RNF126: variants seen among roughly 807,000 people sequenced by gnomAD.
RNF126 encodes ring finger protein 126, also known as E3 ubiquitin-protein ligase RNF126.
Under a neutral mutation model 41.9 loss-of-function variants are expected in RNF126, and 20 were observed. The ratio of observed to expected loss-of-function variants is 0.48; its 90% CI spans 0.34 to 0.69. The LOEUF is 0.69. Among genes scored for constraint, RNF126 ranks in the 30% least tolerant of loss-of-function variants. RNF126 has a pLI of 0.01. For synonymous variants in RNF126, 239 were observed against 202.9 expected, an observed-to-expected ratio of 1.18 and a Z score of -1.51; for missense variants, 433 against 460.6, an observed-to-expected ratio of 0.94 and a Z score of 0.55.
chr19:648,894 C>G lies in RNF126; in HGVS notation c.658G>C (p.Glu220Gln). 1 of 1,437,474 alleles carries G rather than the reference C, an allele frequency of 7.0e-7. No homozygotes were observed. The highest frequency in any genetic ancestry group is 9.1e-7 in the Non-Finnish European group (1 of 1,094,012). The allele number at this position is 1,437,474 out of a possible 1,614,324, so 89.0% of individuals were successfully genotyped here. The stretch of plus-strand genomic sequence containing the variant: ...TGAGCTCTCATACCTACGTGCTCCT[C>G]AGTGACGGGGACGGTGGGGAGGGCC... ...IQALPTVPVT[E>Q]EHVGSGLECP... The change falls in exon 7 of 9, where the codon GAG becomes CAG. Residue 220 changes from glutamate to glutamine, a missense_variant. Physicochemically the swap from Glu to Gln is conservative, Grantham distance 29. This residue lies in a region of RNF126 where 97 missense variants were observed against 121.7 expected (regional missense o/e 0.80). Transcript: ENST00000292363.
intron 1 of RNF126, among the ~76,000 whole-genome samples, chr19:653,464 C>A (rs543007150): frequency 6.6e-6 from 1 of 152,348 alleles, no homozygotes; most frequent in Admixed American, 6.5e-5. Context: ...GTCCCAAAAC[C>A]ACGTTCACAG....
At position 647,821 on chromosome 19, in the gene RNF126, G is replaced by A. The variant is rs1046624552; in HGVS notation, c.*307C>T. On this transcript the variant is annotated 3_prime_UTR_variant, in exon 9 of 9. Coordinates refer to ENST00000292363, the MANE Select transcript of RNF126 (RefSeq NM_194460.3). ...GCATGGCCGCCACGTGAGCTCAAAC[G>A]TCCGTTTATTTCAAAGCAGTAATAA... 8.4e-6 allele frequency: 4 copies of A among 474,322 alleles called. No individual in the cohort carries two copies. Among genetic ancestry groups the A allele is most frequent in the South Asian group, 3.5e-5 (2 of 56,752 alleles). The allele number at this position is 474,322 out of a possible 1,614,324, so 29.4% of individuals were successfully genotyped here. A position where few individuals can be genotyped will look rare whatever the true frequency, so the allele number is the denominator to read the frequency against.
intron 1 of RNF126, among the ~76,000 whole-genome samples, chr19:658,517 G>A (rs1041468742): frequency 1.3e-5 from 2 of 152,126 alleles, no homozygotes; most frequent in African/African-American, 4.8e-5. Flanking sequence ...TTTTCCTAAA[G>A]GGTGCCCAAA....
At chr19:656,057 G>A (rs923821697) in intron 1 of RNF126, among the ~76,000 whole-genome samples, 4 of 152,132 alleles carry the variant, frequency 2.6e-5, no homozygotes, top group Non-Finnish European at 5.9e-5. Flanking sequence ...GGGAGTGACG[G>A]CTGGCAGGGC....
rs545115320 is a variant in RNF126 at position 649,951 on chromosome 19, T to C, written c.507-203A>G. ...GGGGATGGGAACAGGCACCCCCTCC[T>C]ACTCACCAGGGACCCTGGCTGGGGA... On this transcript the variant is annotated intron_variant, in intron 5 of 8. Coordinates refer to ENST00000292363, the MANE Select transcript of RNF126 (RefSeq NM_194460.3). Among the ~76,000 whole-genome samples the C allele has an allele frequency of 3.9e-3, 451 of 115,618 alleles. 1 individual carries two copies. Among genetic ancestry groups the C allele is most frequent in the South Asian group, 7.5e-3 (24 of 3,200 alleles). 75.8% of individuals were successfully genotyped at this position (115,618 alleles called of 152,430 possible).
chr19:654,874 G>A (rs191209188), intron 1 of RNF126, among the ~76,000 whole-genome samples: 17 of 152,026 alleles, frequency 1.1e-4, no homozygotes, highest in South Asian at 6.2e-4. Flanking sequence ...GGCTGAGACA[G>A]GAGAATCGCT....
chr19:663,150 G>GCC lies in RNF126; in HGVS notation c.-31_-30dup. On this transcript the variant is annotated 5_prime_UTR_variant, in exon 1 of 9. Transcript: ENST00000292363. ...CGCCGCCACCTACTCCGCGCCGCCC[G>GCC]CCCCCCGCGCGGCACCCGCCGCCGG... The GCC allele has an allele frequency of 1.8e-6, 2 of 1,134,122 alleles. No homozygotes were observed. Among genetic ancestry groups the GCC allele is most frequent in the Non-Finnish European group, 2.2e-6 (2 of 913,992 alleles). The allele number at this position is 1,134,122 out of a possible 1,614,324, so 70.3% of individuals were successfully genotyped here.
At chr19:658,537 C>A (rs1032388503) in intron 1 of RNF126, among the ~76,000 whole-genome samples, 1 of 152,162 alleles carries the variant, frequency 6.6e-6, no homozygotes, top group Non-Finnish European at 1.5e-5. Flanking sequence ...AGCTTCCCGG[C>A]TGATCCACAG....
Position 652,225 on chromosome 19 carries a change from C to A in RNF126, c.198+8G>T, listed in dbSNP as rs75659340. On this transcript the variant is annotated splice_region_variant and intron_variant, in intron 3 of 8. Coordinates refer to ENST00000292363, the MANE Select transcript of RNF126 (RefSeq NM_194460.3). Reference sequence around the variant, plus strand: ...ACGATCGGGAAGCACGAGGGGCGGGCGACTCACCTCCAACGGTGGCCGGCT... The same window carrying A: ...ACGATCGGGAAGCACGAGGGGCGGGAGACTCACCTCCAACGGTGGCCGGCT... The A allele has an allele frequency of 2.6e-6, 4 of 1,518,612 alleles. No homozygotes were observed. In the African/African-American group the frequency reaches 4.3e-5, roughly 16 times the overall value. The allele number at this position is 1,518,612 out of a possible 1,614,324, so 94.1% of individuals were successfully genotyped here. A position where few individuals can be genotyped will look rare whatever the true frequency, so the allele number is the denominator to read the frequency against.
intron 1 of RNF126, among the ~76,000 whole-genome samples, chr19:658,281 C>T (rs937535642): frequency 5.3e-5 from 8 of 152,080 alleles, no homozygotes; most frequent in East Asian, 1.9e-4. Context: ...GGGGCCTGCA[C>T]GGGGCGCATG....
chr19:649,632 GC>G, intron 6 of RNF126, 46 bp downstream of exon 6: 8 of 1,496,350 alleles, frequency 5.3e-6, no homozygotes, highest in Non-Finnish European at 7.3e-6. Context: ...GGGGTGGGCA[GC>G]CCAGCCCTCC....
chr19:659,365 C>T lies in RNF126; in HGVS notation c.75+3682G>A, dbSNP rs959269371. The stretch of plus-strand genomic sequence containing the variant: ...TGGCTCCCCGCCCACGCCGGCTCTT[C>T]CCCGCCACCGTGGGCGGCAGGGCCC... On this transcript the variant is annotated intron_variant, in intron 1 of 8. Coordinates refer to ENST00000292363, the MANE Select transcript of RNF126 (RefSeq NM_194460.3). The surrounding 1 kb of genome is among the most constrained non-coding windows in gnomAD (Gnocchi z 4.9). 6.6e-6 allele frequency among the ~76,000 whole-genome samples: 1 copy of T among 152,280 alleles called. No homozygotes were observed. The highest frequency in any genetic ancestry group is 1.5e-5 in the Non-Finnish European group (1 of 68,004).
intron 6 of RNF126, 36 bp from the exon 7 acceptor site, chr19:649,011 C>T (rs778192116): frequency 4.8e-5 from 53 of 1,104,376 alleles, no homozygotes; most frequent in East Asian, 5.9e-5. Context: ...GGGAGCTCCT[C>T]GGGGGCCCGG....
chr19:663,178 G>T lies in RNF126; in HGVS notation c.-57C>A. On this transcript the variant is annotated 5_prime_UTR_variant, in exon 1 of 9. Transcript: ENST00000292363. ...CCCCGCGCGGCACCCGCCGCCGGCC[G>T]TTTGCTGCTCCCTCGCCGGCCGACG... 1 of 825,618 alleles carries T rather than the reference G, an allele frequency of 1.2e-6. No individual in the cohort carries two copies. Among genetic ancestry groups the T allele is most frequent in the Non-Finnish European group, 1.5e-6 (1 of 648,098 alleles). The allele number at this position is 825,618 out of a possible 1,614,324, so 51.1% of individuals were successfully genotyped here.
In RNF126 at chr19:652,134, G is replaced by A. The variant is rs539998380; in HGVS notation, c.198+99C>T. ...GAGGGAAAAATTTCCTCCGCCGTGC[G>A]GGCAGGGAGAGCCGGGGAGGCGAGG... On this transcript the variant is annotated intron_variant, in intron 3 of 8. Coordinates refer to ENST00000292363, the MANE Select transcript of RNF126 (RefSeq NM_194460.3). 321 of 1,053,338 alleles carry A rather than the reference G, an allele frequency of 3.0e-4. 4 individuals carry two copies. In the South Asian group the frequency reaches 5.0e-3, roughly 16 times the overall value. The allele number at this position is 1,053,338 out of a possible 1,614,324, so 65.2% of individuals were successfully genotyped here. A position where few individuals can be genotyped will look rare whatever the true frequency, so the allele number is the denominator to read the frequency against.
At position 648,364 on chromosome 19, in the gene RNF126, G is replaced by GCGC; in HGVS notation, c.786+7_786+8insGCG. The GCGC allele has an allele frequency of 3.9e-6, 2 of 510,466 alleles. No individual in the cohort carries two copies. The highest frequency in any genetic ancestry group is 7.2e-6 in the Non-Finnish European group (2 of 278,334). 31.6% of individuals were successfully genotyped at this position (510,466 alleles called of 1,614,324 possible). On this transcript the variant is annotated splice_region_variant and intron_variant, in intron 8 of 8. Transcript: ENST00000292363. ...CGGGGTGGGGGGGCGGGTGGGCGGG[G>GCGC]CACTCACCTGCTCCAGCCAGGGCAC...
At position 663,118 on chromosome 19, in the gene RNF126, C is replaced by T; in HGVS notation, c.4G>A (p.Ala2Thr). ...CGTCCGGGATGCGGCGACGCCTCGG[C>T]CATGGCCGCCGCCACCTACTCCGCG... is the stretch of plus-strand genomic sequence containing the variant. M[A>T]EASPHPGRYF... The change falls in exon 1 of 9, where the codon GCC becomes ACC. Residue 2 changes from alanine to threonine, a missense_variant. Coordinates refer to ENST00000292363, the MANE Select transcript of RNF126 (RefSeq NM_194460.3). 7.7e-7 allele frequency: 1 copy of T among 1,296,182 alleles called. No homozygotes were observed. 80.3% of individuals were successfully genotyped at this position (1,296,182 alleles called of 1,614,324 possible).
chr19:648,360 CGG>C lies in RNF126; in HGVS notation c.786+10_786+11del. On this transcript the variant is annotated intron_variant, in intron 8 of 8. Transcript: ENST00000292363. ...CGGTCGGGGTGGGGGGGCGGGTGGG[CGG>C]GGCACTCACCTGCTCCAGCCAGGGC... is the stretch of plus-strand genomic sequence containing the variant. The C allele has an allele frequency of 6.6e-6, 2 of 302,210 alleles. No individual in the cohort carries two copies. Among genetic ancestry groups the C allele is most frequent in the Non-Finnish European group, 9.8e-6 (2 of 204,988 alleles). The allele number at this position is 302,210 out of a possible 1,614,324, so 18.7% of individuals were successfully genotyped here.
At chr19:661,007 A>T (rs772724445) in intron 1 of RNF126, among the ~76,000 whole-genome samples, 1 of 152,242 alleles carries the variant, frequency 6.6e-6, no homozygotes, top group Admixed American at 6.5e-5. Context: ...TCCATGATTA[A>T]ATATTTGTCA....
Sources: gnomAD v4.1 joint callset for allele counts (sites outside exome capture counted in the v4.1 genomes callset) on GRCh38, gnomAD v4.1.1 for gene constraint, gnomAD v4.1.1 regional missense constraint, Gnocchi (gnomAD v3.1) non-coding constraint, MANE v1.5 for transcripts, NCBI Gene and HGNC (gene_info 2026-07-23, HGNC 2026-07-21) for gene names.